The following NOL4 variants were observed in gnomAD, a reference collection of about 807,000 sequenced individuals.
NOL4 encodes nucleolar protein 4, also known as cancer/testis antigen 125.
NOL4 carries 17 observed loss-of-function variants against 75.9 expected under a neutral mutation model. The ratio of observed to expected loss-of-function variants is 0.22; its 90% CI spans 0.15 to 0.34. NOL4 has a LOEUF of 0.34. NOL4 is among the 10% of genes least tolerant of loss of function. The probability of loss-of-function intolerance (pLI) is 1.00; values close to 1 mark genes in which losing one functional copy is unlikely to be tolerated. For missense variants in NOL4, 614 were observed against 793.5 expected (o/e 0.77, Z 2.72); for synonymous variants, 292 against 289.9 (o/e 1.01, Z -0.07).
chr18:33,892,733 C>A (rs1480726800), intron 9 of NOL4, among the ~76,000 whole-genome samples: 1 of 152,064 alleles, frequency 6.6e-6, no homozygotes, highest in African/African-American at 2.4e-5. Context: ...CCATAGCTCT[C>A]TGCAGTCTCA....
chr18:34,155,589 C>T (rs1472895768), intron 1 of NOL4, among the ~76,000 whole-genome samples: 1 of 151,936 alleles, frequency 6.6e-6, no homozygotes, highest in African/African-American at 2.4e-5. Flanking sequence ...GGTTACAAAC[C>T]TATACAGCAT....
At chr18:34,056,284 A>T (rs886196232) in intron 5 of NOL4, among the ~76,000 whole-genome samples, 1 of 152,204 alleles carries the variant, frequency 6.6e-6, no homozygotes, top group African/African-American at 2.4e-5. Context: ...ATTTGTGCAG[A>T]GAACGGCCTT....
chr18:34,215,970 G>C (rs775421346), intron 1 of NOL4, among the ~76,000 whole-genome samples: 3 of 152,016 alleles, frequency 2.0e-5, no homozygotes, highest in Non-Finnish European at 4.4e-5. Flanking sequence ...GTTTATCTGA[G>C]AGTTTTTTCA....
At chr18:33,868,477 T>C (rs2063538174) in intron 10 of NOL4, among the ~76,000 whole-genome samples, 1 of 152,078 alleles carries the variant, frequency 6.6e-6, no homozygotes, top group Admixed American at 6.6e-5. Context: ...GAGAATTCCC[T>C]TACAATATCC....
intron 1 of NOL4, among the ~76,000 whole-genome samples, chr18:34,140,590 G>A (rs1401098257): frequency 6.6e-6 from 1 of 152,062 alleles, no homozygotes; most frequent in South Asian, 2.1e-4. Context: ...CATGAGATGG[G>A]TCTCCTGAAT....
chr18:34,037,766 T>C (rs1054447698), intron 5 of NOL4, among the ~76,000 whole-genome samples: 3 of 152,194 alleles, frequency 2.0e-5, no homozygotes, highest in East Asian at 3.9e-4. Context: ...CAACTCAAGA[T>C]GGATTAAAGA....
chr18:33,940,808 T>A (rs777017011), intron 9 of NOL4, among the ~76,000 whole-genome samples: 11 of 151,966 alleles, frequency 7.2e-5, no homozygotes, highest in Non-Finnish European at 1.0e-4. Flanking sequence ...TTGCAATAAA[T>A]ATATGAGGAC....
intron 5 of NOL4, among the ~76,000 whole-genome samples, chr18:34,061,469 T>C (rs1051511957): frequency 2.0e-5 from 3 of 152,168 alleles, no homozygotes; most frequent in Non-Finnish European, 4.4e-5. Context: ...AAAAATATCA[T>C]GTACACAAAA....
intron 9 of NOL4, among the ~76,000 whole-genome samples, chr18:33,907,173 A>C (rs1341355030): frequency 6.6e-6 from 1 of 152,052 alleles, no homozygotes; most frequent in Non-Finnish European, 1.5e-5. Context: ...AATACAAAAA[A>C]TTAGCTAGAC....
At chr18:34,032,867 T>C (rs2075709053) in intron 5 of NOL4, among the ~76,000 whole-genome samples, 1 of 152,116 alleles carries the variant, frequency 6.6e-6, no homozygotes, top group South Asian at 2.1e-4. Context: ...CCTGACATCC[T>C]AGCCCACAGA....
At chr18:34,023,412 A>G (rs1432648614) in intron 5 of NOL4, 2 of 455,934 alleles carry the variant, frequency 4.4e-6, no homozygotes, top group African/African-American at 4.0e-5. Flanking sequence ...TCAGGTCATC[A>G]CTTTAAAGGG....
At chr18:33,979,952 C>T (rs1347182674) in intron 6 of NOL4, among the ~76,000 whole-genome samples, 1 of 151,926 alleles carries the variant, frequency 6.6e-6, no homozygotes, top group African/African-American at 2.4e-5. Context: ...ATTTAAATGC[C>T]ACAAAATTTT....
At chr18:34,070,656 A>C (rs1006915894) in intron 5 of NOL4, among the ~76,000 whole-genome samples, 1 of 152,238 alleles carries the variant, frequency 6.6e-6, no homozygotes, top group Non-Finnish European at 1.5e-5. Flanking sequence ...CACAGCCCAT[A>C]AACAATGGCT....
intron 7 of NOL4, among the ~76,000 whole-genome samples, chr18:33,957,738 GA>G (rs2069760549): frequency 6.6e-6 from 1 of 152,112 alleles, no homozygotes; most frequent in Non-Finnish European, 1.5e-5. Context: ...CAGACAGACA[GA>G]CAAACATACA....
intron 9 of NOL4, among the ~76,000 whole-genome samples, chr18:33,896,426 A>C (rs1403488690): frequency 6.6e-6 from 1 of 152,186 alleles, no homozygotes; most frequent in Non-Finnish European, 1.5e-5. Flanking sequence ...CAGGTACAAA[A>C]ACAGGCACAT....
intron 5 of NOL4, among the ~76,000 whole-genome samples, chr18:34,040,558 G>A (rs761926029): frequency 2.6e-5 from 4 of 151,996 alleles, no homozygotes; most frequent in Admixed American, 6.6e-5. Context: ...AACATGCGAG[G>A]TGGAGGTTCT....
intron 10 of NOL4, among the ~76,000 whole-genome samples, chr18:33,875,408 G>A (rs978370004): frequency 1.1e-4 from 17 of 152,004 alleles, no homozygotes; most frequent in African/African-American, 4.1e-4. Flanking sequence ...GCAGCCCCTT[G>A]CCAGCTCCAA....
At chr18:34,000,288 G>A (rs1318012899) in intron 6 of NOL4, among the ~76,000 whole-genome samples, 1 of 151,986 alleles carries the variant, frequency 6.6e-6, no homozygotes, top group Non-Finnish European at 1.5e-5. Context: ...CAGTCAAAAG[G>A]CCTATAAAAC....
At chr18:34,075,526 G>A (rs931275196) in intron 5 of NOL4, among the ~76,000 whole-genome samples, 13 of 152,058 alleles carry the variant, frequency 8.5e-5, no homozygotes, top group Admixed American at 8.5e-4. Flanking sequence ...CATCATGTTG[G>A]CACTCAAAAA....
Sources: allele counts gnomAD v4.1 joint callset (sites outside exome capture counted in the v4.1 genomes callset), GRCh38; gene constraint gnomAD v4.1.1; transcripts MANE v1.5; gene names NCBI Gene and HGNC (gene_info 2026-07-23, HGNC 2026-07-21).